The following MEIS3 variants were observed in gnomAD, a reference collection of about 807,000 sequenced individuals.
MEIS3 encodes the protein Meis homeobox 3, also known as homeobox protein Meis3.
A neutral mutation model predicts 51.4 loss-of-function variants in MEIS3; 38 were observed. That is an observed-to-expected ratio of 0.74 (90% CI 0.57 to 0.97). MEIS3 has a LOEUF of 0.97. MEIS3 is among the 50% of genes least tolerant of loss of function. The pLI is 0.00. For synonymous variants in MEIS3, 198 were observed against 201.8 expected (o/e 0.98, Z 0.16); for missense variants, 456 against 502.6 (o/e 0.91, Z 0.89).
At chr19:47,411,542 C>CT (rs1249273264) in intron 6 of MEIS3, among the ~76,000 whole-genome samples, 4,063 of 95,990 alleles carry the variant, frequency 0.042, 135 homozygotes, top group African/African-American at 0.1. Flanking sequence ...TTTTTCTTTT[C>CT]TTTTTTTTTT....
At chr19:47,419,817 C>G (rs1221047828), upstream of MEIS3, among the ~76,000 whole-genome samples, 1 of 152,060 alleles carries the variant, frequency 6.6e-6, no homozygotes, top group East Asian at 1.9e-4. Context: ...TTCTCCCGTC[C>G]TTTCTCTCCT....
rs138485773 is a variant in MEIS3, at chr19:47,409,456, C to T, written c.689G>A (p.Gly230Glu). ...CTCACCTTGGTCACTGGAGTTGTCC[C>T]CACTCTGGGAGGCCAGGCCCCCACT... is the stretch of plus-strand genomic sequence containing the variant. ...PSSGGLASQSGDNSSDQGDGL... is the reference protein window; with the variant it reads ...PSSGGLASQSEDNSSDQGDGL... Residue 230 changes from glycine (G) to glutamate (E), a missense_variant, in exon 7 of 13, where the codon GGG becomes GAG. Transcript: ENST00000558555. 2.5e-5 allele frequency: 41 copies of T among 1,613,888 alleles called. No individual in the cohort carries two copies. The African/African-American group carries it at 5.3e-4, about 21-fold the overall frequency.
At chr19:47,420,527 GAGAGAGAGAC>G (rs1194048023), upstream of MEIS3, among the ~76,000 whole-genome samples, 18 of 131,326 alleles carry the variant, frequency 1.4e-4, no homozygotes, top group African/African-American at 2.8e-4. Context: ...GATTCAGAGA[GAGAGAGAGAC>G]AGAGACAGAC....
upstream of MEIS3, among the ~76,000 whole-genome samples, chr19:47,419,867 A>G (rs1221000499): frequency 6.6e-6 from 1 of 150,988 alleles, no homozygotes; most frequent in Admixed American, 6.6e-5. Context: ...CACACCACGG[A>G]CCCCCTCCCT....
intron 6 of MEIS3, chr19:47,412,141 TTTCTTTA>T (rs1971165069): frequency 1.3e-5 from 2 of 152,170 alleles, no homozygotes; most frequent in African/African-American, 4.8e-5. Flanking sequence ...AGCCTCACAG[TTTCTTTA>T]TGCAAACTCC....
At chr19:47,404,972 C>G (rs370814278) in intron 12 of MEIS3, among the ~76,000 whole-genome samples, 57 of 152,316 alleles carry the variant, frequency 3.7e-4, no homozygotes, top group African/African-American at 1.3e-3. Flanking sequence ...GGATGCTAAA[C>G]TAAGGAGTTA....
In MEIS3 at chr19:47,419,379, C is replaced by T. The variant is rs1368242060; in HGVS notation, c.-298G>A. ...CCGAGGCCCCCTCCTCTGGGCCCCC[C>T]CCGTCCCTTCCCCGGCTCTGGAGGG... On this transcript the variant is annotated 5_prime_UTR_variant, in exon 1 of 13. Transcript: ENST00000558555. 6.4e-6 allele frequency: 1 copy of T among 155,856 alleles called. No individual in the cohort carries two copies. Among genetic ancestry groups the T allele is most frequent in the Non-Finnish European group, 1.4e-5 (1 of 71,752 alleles). The allele number at this position is 155,856 out of a possible 1,614,324, so 9.7% of individuals were successfully genotyped here.
chr19:47,408,958 A>G, intron 8 of MEIS3, 141 bp downstream of exon 8: 1 of 951,994 alleles, frequency 1.1e-6, no homozygotes, highest in Non-Finnish European at 1.6e-6. Context: ...TCCTGTCACA[A>G]TTCTCCACCT....
chr19:47,406,737 G>T, intron 11 of MEIS3, 151 bp downstream of exon 11: 1 of 848,468 alleles, frequency 1.2e-6, no homozygotes, highest in South Asian at 1.8e-5. Flanking sequence ...AAAAGATGGG[G>T]GACCAGGAAA....
Position 47,416,956 on chromosome 19 carries a change from G to C in MEIS3, c.193C>G (p.Leu65Val). 1 of 1,584,348 alleles carries C rather than the reference G, an allele frequency of 6.3e-7. No homozygotes were observed. The highest frequency in any genetic ancestry group is 8.6e-7 in the Non-Finnish European group (1 of 1,165,004). The change falls in exon 3 of 13, where the codon CTC becomes GTC. Residue 65 changes from leucine to valine, a missense_variant. Physicochemically the swap from Leu to Val is conservative, Grantham distance 32. Transcript: ENST00000558555. ...AAGACCAGGGCCAAGAGGGGGAAGA[G>C]CGGGTGTCTGGGGAGGCAGGAAAGG... The part of the protein sequence containing the change: ...REKDEIYGHP[L>V]FPLLALVFEK...
chr19:47,408,947 C>T, intron 8 of MEIS3, 152 bp downstream of exon 8: 1 of 855,136 alleles, frequency 1.2e-6, no homozygotes, highest in South Asian at 1.6e-5. Flanking sequence ...GTGCTGCTGG[C>T]TCCTGTCACA....
At chr19:47,410,657 T>C (rs1464257707) in intron 6 of MEIS3, among the ~76,000 whole-genome samples, 1 of 151,668 alleles carries the variant, frequency 6.6e-6, no homozygotes, top group African/African-American at 2.4e-5. Context: ...TCCCAGCTAC[T>C]CGGGAGGCTG....
chr19:47,418,852 T>G (rs1381108828), intron 1 of MEIS3: 25 of 299,536 alleles, frequency 8.3e-5, no homozygotes, highest in East Asian at 1.3e-4. Flanking sequence ...AGCTAAACGA[T>G]GGGGAGGAGG....
upstream of MEIS3, among the ~76,000 whole-genome samples, chr19:47,420,910 T>TCTCACACA (rs1457117398): frequency 9.6e-3 from 677 of 70,684 alleles, 3 homozygotes; most frequent in East Asian, 0.016. Context: ...TCTCTCTCTC[T>TCTCACACA]CACACACACA....
chr19:47,420,425 G>A (rs1478254901), upstream of MEIS3, among the ~76,000 whole-genome samples: 1 of 151,162 alleles, frequency 6.6e-6, no homozygotes, highest in Admixed American at 6.6e-5. Context: ...GTGGTGGGGG[G>A]CGTGGACAGA....
At chr19:47,409,666 A>G in intron 6 of MEIS3, 119 bp from the exon 7 acceptor site, 1 of 639,044 alleles carries the variant, frequency 1.6e-6, no homozygotes, top group Non-Finnish European at 2.8e-6. Flanking sequence ...GATCAAGACC[A>G]TCATGGCTAA....
chr19:47,409,609 A>T, intron 6 of MEIS3, 62 bp from the exon 7 acceptor site: 1 of 1,209,714 alleles, frequency 8.3e-7, no homozygotes, highest in South Asian at 1.2e-5. Flanking sequence ...CACGCCTGTA[A>T]TCCCAGCACT....
At chr19:47,416,500 G>A in intron 4 of MEIS3, 152 bp downstream of exon 4, 2 of 668,092 alleles carry the variant, frequency 3.0e-6, no homozygotes, top group Non-Finnish European at 2.5e-6. Context: ...ACTCTAGGCT[G>A]TACCACACGG....
chr19:47,410,634 T>C (rs543587641), intron 6 of MEIS3, among the ~76,000 whole-genome samples: 23 of 151,212 alleles, frequency 1.5e-4, no homozygotes, highest in African/African-American at 5.3e-4. Flanking sequence ...GGCGTGGTGG[T>C]GGGCGCCTGT....
Sources: allele counts gnomAD v4.1 joint callset (sites outside exome capture counted in the v4.1 genomes callset), GRCh38; gene constraint gnomAD v4.1.1; transcripts MANE v1.5; gene names NCBI Gene and HGNC (gene_info 2026-07-23, HGNC 2026-07-21).